Variants in SUMF2 observed in about 807,000 individuals in gnomAD.
The protein encoded by SUMF2 is sulfatase modifying factor 2.
SUMF2 carries 45 observed loss-of-function variants against 44.8 expected under a neutral mutation model. That is an observed-to-expected ratio of 1.00 (90% CI 0.79 to 1.29). The LOEUF is 1.29. SUMF2 is among the 50% of genes most tolerant of loss of function. SUMF2 has a pLI of 0.00. For synonymous variants in SUMF2, 148 were observed against 150.4 expected (o/e 0.98, Z 0.12); for missense variants, 418 against 389.9 (o/e 1.07, Z -0.61).
chr7:56,079,786 G>T lies in SUMF2; in HGVS notation c.*174G>T, dbSNP rs1333506285. 1 of 1,554,654 alleles carries T rather than the reference G, an allele frequency of 6.4e-7. No homozygotes were observed. The highest frequency in any genetic ancestry group is 2.4e-5 in the East Asian group (1 of 40,976). On this transcript the variant is annotated 3_prime_UTR_variant, in exon 9 of 9. Transcript: ENST00000434526. ...TCTCACCAGGGCAGGAGAGGACTCA[G>T]CCTCCTGTGTTTTGGAGAAGGGGCC...
At chr7:56,082,153 G>A, downstream of SUMF2, 1 of 1,613,354 alleles carries the variant, frequency 6.2e-7, no homozygotes, top group Non-Finnish European at 8.5e-7. Context: ...TCCTTTCCCG[G>A]CGCACTCACA....
chr7:56,086,562 C>T, the SUMF2 span, among the ~76,000 whole-genome samples: 5 of 151,700 alleles, frequency 3.3e-5, no homozygotes, highest in East Asian at 9.7e-4. Context: ...GATCTCGGCT[C>T]ACTTCAACCT....
At chr7:56,081,236 C>G, downstream of SUMF2, 1 of 1,613,594 alleles carries the variant, frequency 6.2e-7, no homozygotes, top group South Asian at 1.1e-5. The surrounding 1 kb of genome is among the most constrained non-coding windows in gnomAD (Gnocchi z 4.6). Context: ...TCCCGGGTCA[C>G]AGGCTTCACC....
downstream of SUMF2, chr7:56,081,643 C>T (rs762492215): frequency 2.0e-5 from 33 of 1,613,440 alleles, no homozygotes; most frequent in East Asian, 4.5e-5. This position sits in a 1 kb window ranked among gnomAD's most constrained non-coding sequence, Gnocchi z 4.6. Context: ...GAACTTCCCC[C>T]GGGGGCTGAA....
intron 5 of SUMF2, among the ~76,000 whole-genome samples, chr7:56,075,854 A>G (rs1303411882): frequency 6.6e-6 from 1 of 151,980 alleles, no homozygotes; most frequent in Non-Finnish European, 1.5e-5. Flanking sequence ...TCAGTGATCA[A>G]AGTTTTTTGT....
downstream of SUMF2, chr7:56,082,231 G>C (rs1584619932): frequency 1.2e-6 from 2 of 1,613,704 alleles, no homozygotes; most frequent in East Asian, 4.5e-5. Context: ...CAGGGGCCAG[G>C]TAACTGGGGG....
intron 8 of SUMF2, chr7:56,078,926 T>C: frequency 2.0e-6 from 1 of 508,606 alleles, no homozygotes; most frequent in Non-Finnish European, 3.5e-6. Flanking sequence ...AGACAGAGTC[T>C]TGCTCTGTTG....
Position 56,073,052 on chromosome 7 carries a change from T to C in SUMF2, c.280T>C (p.Phe94Leu). ...RTEAEMFGWS[F>L]VFEDFVSDEL... ...AGAAGCTGAGATGTTTGGATGGAGC[T>C]TTGTCTTTGAGGACTTTGTCTCTGA... The change falls in exon 3 of 9, where the codon TTT (phenylalanine) becomes CTT (leucine). Residue 94 changes from phenylalanine (F) to leucine (L), a missense_variant. Transcript: ENST00000434526. 1 of 1,614,112 alleles carries C rather than the reference T, an allele frequency of 6.2e-7. No individual in the cohort carries two copies. Among genetic ancestry groups the C allele is most frequent in the Middle Eastern group, 1.7e-4 (1 of 6,060 alleles).
chr7:56,083,823 G>C, downstream of SUMF2: 1 of 771,874 alleles, frequency 1.3e-6, no homozygotes, highest in Non-Finnish European at 2.3e-6. Context: ...AGCTAAGTGG[G>C]CCACTCTCCG....
At chr7:56,070,553 G>A (rs1795089259) in intron 2 of SUMF2, among the ~76,000 whole-genome samples, 1 of 151,662 alleles carries the variant, frequency 6.6e-6, no homozygotes, top group African/African-American at 2.4e-5. Context: ...TCACTTGAGT[G>A]TGGAAGGTTG....
At chr7:56,082,001 C>T (rs370632474), downstream of SUMF2, 25 of 1,613,886 alleles carry the variant, frequency 1.5e-5, no homozygotes, top group East Asian at 1.1e-4. Flanking sequence ...GCCAGAAGGG[C>T]GGGGAGCCGG....
At chr7:56,076,727 C>T (rs953397747) in intron 5 of SUMF2, 107 bp from the exon 6 acceptor site, 21 of 1,050,682 alleles carry the variant, frequency 2.0e-5, no homozygotes, top group Non-Finnish European at 2.9e-5. Context: ...TCTTTTTTCT[C>T]ATCACCCTCT....
the SUMF2 span, chr7:56,087,689 G>T: frequency 3.7e-6 from 6 of 1,613,956 alleles, no homozygotes; most frequent in African/African-American, 1.3e-5. Context: ...GGCTGAAGCT[G>T]CCTCCACCGG....
the SUMF2 span, chr7:56,086,813 G>T: frequency 1.6e-6 from 1 of 638,840 alleles, no homozygotes; most frequent in Non-Finnish European, 2.9e-6. Flanking sequence ...AAAGCCGGCA[G>T]CCTGACCCCA....
chr7:56,074,459 C>G, intron 4 of SUMF2, 127 bp from the exon 5 acceptor site: 1 of 1,295,460 alleles, frequency 7.7e-7, no homozygotes, highest in Non-Finnish European at 1.1e-6. Context: ...ACTGGTCACT[C>G]ACCCGGCTCT....
intron 2 of SUMF2, among the ~76,000 whole-genome samples, chr7:56,068,861 C>A (rs1299664666): frequency 6.6e-6 from 1 of 151,820 alleles, no homozygotes; most frequent in African/African-American, 2.4e-5. Flanking sequence ...CACCACCACG[C>A]CCGGCTAATT....
chr7:56,077,330 T>A (rs1239094332), intron 6 of SUMF2, among the ~76,000 whole-genome samples: 1 of 146,024 alleles, frequency 6.8e-6, no homozygotes, highest in African/African-American at 2.5e-5. Flanking sequence ...ATTACAGGCA[T>A]GAGCCACCGT....
At chr7:56,075,539 A>G (rs1795479126) in intron 5 of SUMF2, among the ~76,000 whole-genome samples, 2 of 151,658 alleles carry the variant, frequency 1.3e-5, no homozygotes, top group Admixed American at 1.3e-4. Context: ...TACTAAAAAT[A>G]CAAAAAAAAA....
chr7:56,066,660 G>C (rs911415951), intron 1 of SUMF2, among the ~76,000 whole-genome samples: 1 of 151,426 alleles, frequency 6.6e-6, no homozygotes, highest in Non-Finnish European at 1.5e-5. Flanking sequence ...CGCTCCTGTC[G>C]CCCAGGCCGG....
Sources: gnomAD v4.1 joint callset for allele counts (sites outside exome capture counted in the v4.1 genomes callset) on GRCh38, gnomAD v4.1.1 for gene constraint, Gnocchi (gnomAD v3.1) non-coding constraint, MANE v1.5 for transcripts, NCBI Gene and HGNC (gene_info 2026-07-23, HGNC 2026-07-21) for gene names.